Variants in CLVS2 observed in about 807,000 individuals in gnomAD.
The protein encoded by CLVS2 is clavesin-2.
Under a neutral mutation model 29.0 loss-of-function variants are expected in CLVS2, and 19 were observed. That is an observed-to-expected ratio of 0.66 (90% confidence interval 0.46 to 0.96). The LOEUF is 0.96. Ranked by LOEUF, CLVS2 falls within the 40% of genes least tolerant of loss-of-function variation. CLVS2 has a pLI of 0.00. For missense variants in CLVS2, 294 were observed against 404.1 expected (o/e 0.73, Z 2.34); for synonymous variants, 161 against 151.3 (o/e 1.06, Z -0.47).
At chr6:123,030,019 C>T (rs1775060430) in intron 3 of CLVS2, among the ~76,000 whole-genome samples, 1 of 152,194 alleles carries the variant, frequency 6.6e-6, no homozygotes. Context: ...CCTCTGCACA[C>T]TGGACATTTA....
At chr6:123,049,296 G>A (rs550208621) in intron 4 of CLVS2, among the ~76,000 whole-genome samples, 1 of 152,140 alleles carries the variant, frequency 6.6e-6, no homozygotes, top group Admixed American at 6.5e-5. Flanking sequence ...GATAGTCAAA[G>A]TGCATAAAAC....
At chr6:123,055,438 A>G (rs1409656699) in intron 4 of CLVS2, among the ~76,000 whole-genome samples, 1 of 152,196 alleles carries the variant, frequency 6.6e-6, no homozygotes, top group East Asian at 1.9e-4. Context: ...AGCATTCATT[A>G]TACACATCAT....
chr6:123,005,323 A>G (rs1774651782), intron 2 of CLVS2, among the ~76,000 whole-genome samples: 1 of 152,182 alleles, frequency 6.6e-6, no homozygotes, highest in Non-Finnish European at 1.5e-5. Flanking sequence ...ACCCTGAGGC[A>G]TTAATAAAGG....
At chr6:123,037,235 G>C (rs568886975) in intron 3 of CLVS2, among the ~76,000 whole-genome samples, 96 of 152,156 alleles carry the variant, frequency 6.3e-4, no homozygotes, top group South Asian at 1.9e-3. Flanking sequence ...AACTAACCCA[G>C]ATTAAACTGT....
At chr6:123,039,281 A>G (rs938457615) in intron 3 of CLVS2, among the ~76,000 whole-genome samples, 4 of 152,222 alleles carry the variant, frequency 2.6e-5, no homozygotes, top group Non-Finnish European at 5.9e-5. Flanking sequence ...CATTATTGAT[A>G]TACTAGCTGG....
At chr6:123,050,787 GT>G (rs1056116445) in intron 4 of CLVS2, among the ~76,000 whole-genome samples, 240 of 152,236 alleles carry the variant, frequency 1.6e-3, no homozygotes, top group Non-Finnish European at 4.7e-4. Context: ...GAATACAGGG[GT>G]TACTTGTTCT....
intron 3 of CLVS2, among the ~76,000 whole-genome samples, chr6:123,012,263 T>C (rs1161093803): frequency 6.6e-6 from 1 of 151,950 alleles, no homozygotes; most frequent in African/African-American, 2.4e-5. Flanking sequence ...TTTGGAAATG[T>C]GTATATCATA....
intron 3 of CLVS2, among the ~76,000 whole-genome samples, chr6:123,013,608 T>TATCA (rs1774783229): frequency 6.6e-6 from 1 of 152,024 alleles, no homozygotes; most frequent in African/African-American, 2.4e-5. Context: ...GGCTGTAACC[T>TATCA]ATCAATCCAC....
At chr6:123,018,378 T>C (rs1417265082) in intron 3 of CLVS2, among the ~76,000 whole-genome samples, 2 of 152,074 alleles carry the variant, frequency 1.3e-5, no homozygotes, top group African/African-American at 4.8e-5. Flanking sequence ...ACACTAGGAC[T>C]CAATGGCATC....
chr6:123,018,611 T>G (rs1362225070), intron 3 of CLVS2, among the ~76,000 whole-genome samples: 2 of 151,906 alleles, frequency 1.3e-5, no homozygotes, highest in Non-Finnish European at 2.9e-5. Flanking sequence ...TCTTGTTCTA[T>G]TCTCTTAAGA....
At position 122,997,951 on chromosome 6, in the gene CLVS2, G is replaced by C; in HGVS notation, c.174G>C (p.Leu58Phe). The change falls in exon 2 of 6, where the codon TTG becomes TTC. Residue 58 changes from leucine (L) to phenylalanine (F), a missense_variant. Leu to Phe is a conservative substitution (Grantham distance 22). Transcript: ENST00000275162. Reference sequence around the variant, plus strand: ...ATGATGCCTTCATCTTACGCTTCTTGCGGGCTAGGAAGTTTCATCACTTTG... The same window carrying C: ...ATGATGCCTTCATCTTACGCTTCTTCCGGGCTAGGAAGTTTCATCACTTTG... ...RTDDAFILRF[L>F]RARKFHHFEA... is the part of the protein sequence containing the mutation. The C allele has an allele frequency of 6.2e-7, 1 of 1,614,120 alleles. No individual in the cohort carries two copies. Among genetic ancestry groups the C allele is most frequent in the Non-Finnish European group, 8.5e-7 (1 of 1,179,992 alleles).
At chr6:123,023,232 T>C (rs951603845) in intron 3 of CLVS2, among the ~76,000 whole-genome samples, 5 of 152,104 alleles carry the variant, frequency 3.3e-5, no homozygotes, top group Non-Finnish European at 7.4e-5. Flanking sequence ...TCTGTTTCTC[T>C]CTAGCCATCA....
intron 4 of CLVS2, among the ~76,000 whole-genome samples, chr6:123,054,823 G>GTT (rs370474216): frequency 5.5e-4 from 80 of 145,626 alleles, no homozygotes; most frequent in African/African-American, 1.5e-3. Flanking sequence ...TATGCCTCAA[G>GTT]TTTTTTTTTT....
intron 4 of CLVS2, among the ~76,000 whole-genome samples, chr6:123,054,155 T>C (rs965760488): frequency 3.3e-5 from 5 of 152,222 alleles, no homozygotes; most frequent in Admixed American, 1.3e-4. Context: ...AGATTTCTTA[T>C]GTGAATGATC....
intron 4 of CLVS2, among the ~76,000 whole-genome samples, chr6:123,053,442 G>T (rs1309862898): frequency 6.6e-6 from 1 of 152,124 alleles, no homozygotes; most frequent in East Asian, 1.9e-4. Flanking sequence ...AGAAATGCAT[G>T]AAGAAAATGT....
At chr6:123,034,947 A>G (rs1775130502) in intron 3 of CLVS2, among the ~76,000 whole-genome samples, 1 of 152,156 alleles carries the variant, frequency 6.6e-6, no homozygotes, top group Non-Finnish European at 1.5e-5. Context: ...GACTGGTGTA[A>G]AGTAAAAATA....
intron 3 of CLVS2, among the ~76,000 whole-genome samples, chr6:123,032,608 C>T (rs1203354184): frequency 2.0e-5 from 3 of 151,964 alleles, no homozygotes; most frequent in East Asian, 1.9e-4. Context: ...ATTATAAAAG[C>T]GAGTGTTGGT....
At chr6:123,001,384 C>A (rs757964199) in intron 2 of CLVS2, among the ~76,000 whole-genome samples, 4 of 152,048 alleles carry the variant, frequency 2.6e-5, no homozygotes, top group Non-Finnish European at 5.9e-5. Context: ...ACAGTGTACC[C>A]ACCTTCTAAC....
chr6:123,059,607 C>T (rs1405304197), intron 5 of CLVS2, among the ~76,000 whole-genome samples: 1 of 152,148 alleles, frequency 6.6e-6, no homozygotes, highest in Non-Finnish European at 1.5e-5. Context: ...GCAGGATAGA[C>T]CTCACTGGCT....
Sources: allele counts gnomAD v4.1 joint callset (sites outside exome capture counted in the v4.1 genomes callset), GRCh38; gene constraint gnomAD v4.1.1; transcripts MANE v1.5; gene names NCBI Gene and HGNC (gene_info 2026-07-23, HGNC 2026-07-21).